Variants in MBOAT2 observed in about 807,000 individuals in gnomAD.
MBOAT2 encodes membrane-bound glycerophospholipid O-acyltransferase 2.
In MBOAT2, 28 loss-of-function variants were observed where a neutral mutation model predicts 63.4. The observed-to-expected ratio is 0.44, with a 90% CI of 0.33 to 0.61. The LOEUF is 0.61. Ranked by LOEUF, MBOAT2 falls within the 20% of genes least tolerant of loss-of-function variation. The probability of loss-of-function intolerance (pLI) is 0.03; values close to 1 mark genes in which losing one functional copy is unlikely to be tolerated. For synonymous variants in MBOAT2, 211 were observed against 215.6 expected (o/e 0.98, Z 0.19); for missense variants, 470 against 605.8 (o/e 0.78, Z 2.35).
At chr2:8,898,864 G>A (rs1040843865) in intron 4 of MBOAT2, among the ~76,000 whole-genome samples, 1 of 152,232 alleles carries the variant, frequency 6.6e-6, no homozygotes, top group African/African-American at 2.4e-5. Context: ...CAGGTTATAG[G>A]GGTTGGGTAC....
intron 1 of MBOAT2, among the ~76,000 whole-genome samples, chr2:8,961,871 G>A (rs1159388625): frequency 6.6e-6 from 1 of 152,050 alleles, no homozygotes; most frequent in Admixed American, 6.6e-5. Flanking sequence ...GACCTCCTTA[G>A]AACTTCACTT....
At chr2:8,949,294 CTCTTGACAGTT>C (rs1668646020) in intron 2 of MBOAT2, among the ~76,000 whole-genome samples, 1 of 152,190 alleles carries the variant, frequency 6.6e-6, no homozygotes, top group African/African-American at 2.4e-5. Flanking sequence ...GGTCTGTTTA[CTCTTGACAGTT>C]TCTTTTGCTG....
chr2:8,937,038 C>T (rs1489022143), intron 3 of MBOAT2, among the ~76,000 whole-genome samples: 2 of 152,222 alleles, frequency 1.3e-5, no homozygotes, highest in Non-Finnish European at 2.9e-5. Context: ...AGTGGAGAGG[C>T]TCCCTATGTT....
At chr2:8,957,642 A>G (rs1439532853) in intron 2 of MBOAT2, among the ~76,000 whole-genome samples, 1 of 152,166 alleles carries the variant, frequency 6.6e-6, no homozygotes, top group South Asian at 2.1e-4. Context: ...TGCATTTTCA[A>G]CCTCTCAGGG....
chr2:8,894,089 T>A (rs1572983253), intron 4 of MBOAT2, among the ~76,000 whole-genome samples: 1 of 152,224 alleles, frequency 6.6e-6, no homozygotes, highest in African/African-American at 2.4e-5. Flanking sequence ...CTCCTAATGC[T>A]AACCCTCCCC....
chr2:8,991,834 C>G (rs1242960355), intron 1 of MBOAT2, among the ~76,000 whole-genome samples: 1 of 152,208 alleles, frequency 6.6e-6, no homozygotes, highest in Non-Finnish European at 1.5e-5. Context: ...TCAGCTTTGG[C>G]AGCACCAAGC....
intron 1 of MBOAT2, among the ~76,000 whole-genome samples, chr2:8,960,941 C>T (rs536765308): frequency 7.9e-5 from 12 of 152,246 alleles, no homozygotes; most frequent in African/African-American, 1.2e-4. Context: ...AAAGCGCAAA[C>T]GCACCGCGTG....
intron 1 of MBOAT2, among the ~76,000 whole-genome samples, chr2:8,976,678 T>C (rs1235614245): frequency 6.6e-6 from 1 of 152,148 alleles, no homozygotes; most frequent in Non-Finnish European, 1.5e-5. Context: ...TAAAGCGCGT[T>C]CAGAGCGTGT....
At chr2:8,875,658 C>T (rs139956562) in intron 7 of MBOAT2, among the ~76,000 whole-genome samples, 9 of 152,292 alleles carry the variant, frequency 5.9e-5, no homozygotes, top group African/African-American at 9.6e-5. Context: ...CTTTTATTCT[C>T]CTTCCAGCAT....
At chr2:8,987,147 C>G (rs1671627089) in intron 1 of MBOAT2, among the ~76,000 whole-genome samples, 1 of 152,164 alleles carries the variant, frequency 6.6e-6, no homozygotes, top group African/African-American at 2.4e-5. Flanking sequence ...AGAGGAAAAA[C>G]CGGATGTGGG....
In MBOAT2 at chr2:8,924,988, AC is replaced by A. The variant is rs1165762422; in HGVS notation, c.300-16273del. On this transcript the variant is annotated intron_variant, in intron 3 of 12. Transcript: ENST00000305997. ...TATCTCAATAAGTACATATAAAAAA[AC>A]ATTCAAAGCTTTTTAATAACATGAA... Among the ~76,000 whole-genome samples the A allele has an allele frequency of 5.3e-5, 8 of 152,316 alleles. 1 individual carries two copies. The highest frequency in any genetic ancestry group is 1.4e-4 in the African/African-American group (6 of 41,572).
chr2:8,897,130 T>G (rs1295548863), intron 4 of MBOAT2, among the ~76,000 whole-genome samples: 2 of 151,874 alleles, frequency 1.3e-5, no homozygotes, highest in African/African-American at 4.9e-5. Context: ...ACTTCTCTCT[T>G]TGACTTCTTT....
intron 4 of MBOAT2, among the ~76,000 whole-genome samples, chr2:8,889,348 A>G (rs1266950301): frequency 6.6e-6 from 1 of 152,250 alleles, no homozygotes; most frequent in Admixed American, 6.5e-5. Context: ...TGGGCCCTTG[A>G]GAAGCTACAG....
chr2:8,995,844 G>A (rs1194016393), intron 1 of MBOAT2, among the ~76,000 whole-genome samples: 1 of 152,180 alleles, frequency 6.6e-6, no homozygotes, highest in Non-Finnish European at 1.5e-5. Context: ...GCCCGCCTCG[G>A]CCTCCCAAAG....
intron 1 of MBOAT2, among the ~76,000 whole-genome samples, chr2:8,994,273 A>G (rs1258409096): frequency 6.6e-6 from 1 of 152,178 alleles, no homozygotes; most frequent in Non-Finnish European, 1.5e-5. Context: ...GTGTTATCAG[A>G]GTAGAATACA....
At chr2:8,949,564 G>A (rs1426789541) in intron 2 of MBOAT2, among the ~76,000 whole-genome samples, 1 of 151,936 alleles carries the variant, frequency 6.6e-6, no homozygotes, top group Non-Finnish European at 1.5e-5. Flanking sequence ...CATATGGCTA[G>A]CCAATTATAC....
chr2:8,897,865 C>T (rs962782719), intron 4 of MBOAT2, among the ~76,000 whole-genome samples: 1 of 152,198 alleles, frequency 6.6e-6, no homozygotes, highest in Non-Finnish European at 1.5e-5. Context: ...AGCACTGGTC[C>T]CTCAAGGAGT....
intron 3 of MBOAT2, among the ~76,000 whole-genome samples, chr2:8,912,255 C>T (rs188559749): frequency 7.2e-6 from 1 of 138,742 alleles, no homozygotes; most frequent in African/African-American, 2.7e-5. Flanking sequence ...ATAAGAAAGA[C>T]AGACAGACAT....
intron 4 of MBOAT2, among the ~76,000 whole-genome samples, chr2:8,898,607 C>T (rs1664669604): frequency 6.6e-6 from 1 of 152,242 alleles, no homozygotes; most frequent in South Asian, 2.1e-4. Context: ...AAATCATCCA[C>T]ATACTGAAGG....
Sources: gnomAD v4.1 joint callset for allele counts (sites outside exome capture counted in the v4.1 genomes callset) on GRCh38, gnomAD v4.1.1 for gene constraint, MANE v1.5 for transcripts, NCBI Gene and HGNC (gene_info 2026-07-23, HGNC 2026-07-21) for gene names.